The following EML5 variants were observed in gnomAD, a reference collection of about 807,000 sequenced individuals.
The protein encoded by EML5 is EMAP like 5.
EML5 carries 120 observed loss-of-function variants against 250.0 expected under a neutral mutation model. That is an observed-to-expected ratio of 0.48 (90% CI 0.41 to 0.56). EML5 has a LOEUF of 0.56. Ranked by LOEUF, EML5 falls within the 20% of genes least tolerant of loss-of-function variation. EML5 has a pLI of 0.00. For missense variants in EML5, 2,006 were observed against 2,437.6 expected (o/e 0.82, Z 3.73); for synonymous variants, 771 against 806.5 (o/e 0.96, Z 0.75).
At chr14:88,723,409 T>C (rs1239507773) in intron 8 of EML5, among the ~76,000 whole-genome samples, 1 of 152,116 alleles carries the variant, frequency 6.6e-6, no homozygotes, top group Non-Finnish European at 1.5e-5. Context: ...AAGTCAAACA[T>C]AGCAGAGAGT....
intron 21 of EML5, 81 bp downstream of exon 21, chr14:88,681,809 G>A (rs1458519739): frequency 7.1e-7 from 1 of 1,404,842 alleles, no homozygotes; most frequent in Non-Finnish European, 9.4e-7. Flanking sequence ...TTTAAAATGT[G>A]CCTAGTTTTG....
chr14:88,615,708 C>T lies in EML5; in HGVS notation c.*110G>A. The T allele has an allele frequency of 1.0e-6, 1 of 965,426 alleles. No individual in the cohort carries two copies. Among genetic ancestry groups the T allele is most frequent in the Non-Finnish European group, 1.6e-6 (1 of 642,962 alleles). The allele number at this position is 965,426 out of a possible 1,614,324, so 59.8% of individuals were successfully genotyped here. A position where few individuals can be genotyped will look rare whatever the true frequency, so the allele number is the denominator to read the frequency against. On this transcript the variant is annotated 3_prime_UTR_variant, in exon 44 of 44. Transcript: ENST00000554922. The stretch of plus-strand genomic sequence containing the variant: ...ATTTTGATGATTCTGGGCATTTCTC[C>T]CTGTTACAGTCTTGGGTTAGCACCA...
intron 28 of EML5, 135 bp from the exon 29 acceptor site, chr14:88,647,090 T>C: frequency 1.3e-6 from 1 of 766,618 alleles, no homozygotes; most frequent in Non-Finnish European, 1.9e-6. Flanking sequence ...ATTAAAGGCC[T>C]GTTGTTTTTA....
In EML5 at chr14:88,663,128, A is replaced by T; in HGVS notation, c.3410-9T>A. The T allele has an allele frequency of 1.3e-6, 2 of 1,523,524 alleles. No homozygotes were observed. The highest frequency in any genetic ancestry group is 1.8e-6 in the Non-Finnish European group (2 of 1,132,110). The allele number at this position is 1,523,524 out of a possible 1,614,324, so 94.4% of individuals were successfully genotyped here. A position where few individuals can be genotyped will look rare whatever the true frequency, so the allele number is the denominator to read the frequency against. On this transcript the variant is annotated splice_polypyrimidine_tract_variant and intron_variant, in intron 23 of 43. Transcript: ENST00000554922. ...GACCTGTAAAAGCTTTCCTTCAAAA[A>T]AATTTTTAAAAATATTTACACATAT...
chr14:88,662,829 C>T (rs748149185), intron 24 of EML5, among the ~76,000 whole-genome samples: 1 of 152,172 alleles, frequency 6.6e-6, no homozygotes, highest in Non-Finnish European at 1.5e-5. Context: ...CAGGCGTGAG[C>T]CACCATGCCC....
intron 7 of EML5, 144 bp downstream of exon 7, chr14:88,736,220 C>T: frequency 1.2e-6 from 1 of 838,482 alleles, no homozygotes; most frequent in Non-Finnish European, 1.9e-6. Flanking sequence ...AGGATGGTCT[C>T]AATCCCTTGA....
At chr14:88,788,013 G>A (rs1311524693) in intron 1 of EML5, among the ~76,000 whole-genome samples, 8 of 152,226 alleles carry the variant, frequency 5.3e-5, no homozygotes, top group Non-Finnish European at 7.4e-5. Flanking sequence ...GACTTTGTGC[G>A]TTTGAGCAAA....
chr14:88,696,688 A>C lies in EML5; in HGVS notation c.2344+159T>G, dbSNP rs182414542. ...ATTATAAACTAGCTAGCAAATCCAC[A>C]CTTTCATAGTATTTGATAAGGATAA... On this transcript the variant is annotated intron_variant, in intron 15 of 43. Coordinates refer to ENST00000554922, the MANE Select transcript of EML5 (RefSeq NM_183387.3). 3.3e-5 allele frequency among the ~76,000 whole-genome samples: 5 copies of C among 152,320 alleles called. No homozygotes were observed. In the East Asian group the frequency reaches 9.6e-4, roughly 29 times the overall value.
chr14:88,792,113 A>T lies in EML5; in HGVS notation c.197+194T>A, dbSNP rs1330850145. ...ATCTTCCTGCACGGACCCGAGAGAG[A>T]GTCCCTAGACGAGGAAGAGGGGAAA... On this transcript the variant is annotated intron_variant, in intron 1 of 43. Coordinates refer to ENST00000554922, the MANE Select transcript of EML5 (RefSeq NM_183387.3). This position sits in a 1 kb window ranked among gnomAD's most constrained non-coding sequence, Gnocchi z 6.9. Among the ~76,000 whole-genome samples, 2 of 152,174 alleles carry T rather than the reference A, an allele frequency of 1.3e-5. No homozygotes were observed. Among genetic ancestry groups the T allele is most frequent in the South Asian group, 2.1e-4 (1 of 4,826 alleles).
chr14:88,754,419 C>T, intron 2 of EML5, 93 bp downstream of exon 2: 1 of 1,173,698 alleles, frequency 8.5e-7, no homozygotes, highest in Middle Eastern at 3.0e-4. Flanking sequence ...TAATTTTCAT[C>T]AAGTGTCCAA....
At chr14:88,723,097 G>C (rs914632261) in intron 8 of EML5, among the ~76,000 whole-genome samples, 2 of 151,970 alleles carry the variant, frequency 1.3e-5, no homozygotes, top group African/African-American at 4.8e-5. Flanking sequence ...ATAAAAAAGA[G>C]ATATACTATT....
chr14:88,633,023 A>G (rs190234344), intron 33 of EML5, among the ~76,000 whole-genome samples: 6 of 152,106 alleles, frequency 3.9e-5, no homozygotes, highest in Admixed American at 6.5e-5. Context: ...TGTTCAATGT[A>G]ATAAACTAAA....
chr14:88,696,716 G>A, intron 15 of EML5, 131 bp downstream of exon 15: 2 of 542,598 alleles, frequency 3.7e-6, no homozygotes, highest in East Asian at 3.0e-5. Context: ...AAGGATAACA[G>A]TATACACATT....
At chr14:88,719,071 G>T (rs2093549422) in intron 8 of EML5, among the ~76,000 whole-genome samples, 1 of 152,150 alleles carries the variant, frequency 6.6e-6, no homozygotes, top group Non-Finnish European at 1.5e-5. Context: ...GAGACAAGTG[G>T]CTAGCCATTG....
chr14:88,762,128 G>A (rs1257006045), intron 1 of EML5, among the ~76,000 whole-genome samples: 1 of 152,098 alleles, frequency 6.6e-6, no homozygotes, highest in Non-Finnish European at 1.5e-5. Context: ...CCATTCTGTA[G>A]GTTGCCTGTT....
At chr14:88,632,520 G>A (rs1242172745) in intron 33 of EML5, among the ~76,000 whole-genome samples, 2 of 152,112 alleles carry the variant, frequency 1.3e-5, no homozygotes, top group Non-Finnish European at 2.9e-5. Flanking sequence ...TCATCTCAGA[G>A]GCCTTCCTCC....
intron 1 of EML5, among the ~76,000 whole-genome samples, chr14:88,776,436 C>A (rs2094447593): frequency 6.6e-6 from 1 of 151,842 alleles, no homozygotes; most frequent in Non-Finnish European, 1.5e-5. Flanking sequence ...TTACAAGAAC[C>A]AAACAGAAAT....
intron 27 of EML5, among the ~76,000 whole-genome samples, chr14:88,653,569 A>T (rs1251901666): frequency 2.0e-5 from 3 of 152,004 alleles, no homozygotes; most frequent in Non-Finnish European, 4.4e-5. Context: ...GGTTTTTGTC[A>T]TTGGTTCTGT....
chr14:88,675,732 A>G (rs1273073389), intron 21 of EML5, among the ~76,000 whole-genome samples: 1 of 152,152 alleles, frequency 6.6e-6, no homozygotes, highest in Non-Finnish European at 1.5e-5. Context: ...CAGGCTGCAA[A>G]TTTCCTGAAC....
Sources: gnomAD v4.1 joint callset for allele counts (sites outside exome capture counted in the v4.1 genomes callset) on GRCh38, gnomAD v4.1.1 for gene constraint, Gnocchi (gnomAD v3.1) non-coding constraint, MANE v1.5 for transcripts, NCBI Gene and HGNC (gene_info 2026-07-23, HGNC 2026-07-21) for gene names.